The following GLIS3 variants were observed in gnomAD, a reference collection of about 807,000 sequenced individuals.
GLIS3 encodes GLIS family zinc finger 3, also known as zinc finger protein GLIS3.
A neutral mutation model predicts 78.6 loss-of-function variants in GLIS3; 53 were observed. The ratio of observed to expected loss-of-function variants is 0.67; its 90% CI spans 0.54 to 0.85. GLIS3 has a LOEUF of 0.85. Among genes scored for constraint, GLIS3 ranks in the 40% least tolerant of loss-of-function variants. GLIS3 has a pLI of 0.00. For missense variants in GLIS3, 1,703 were observed against 1,231.1 expected, an observed-to-expected ratio of 1.38 and a Z score of -5.74; for synonymous variants, 684 against 509.9, an observed-to-expected ratio of 1.34 and a Z score of -4.60.
At chr9:4,327,512 G>T (rs958632404) in intron 2 of GLIS3, among the ~76,000 whole-genome samples, 2 of 152,146 alleles carry the variant, frequency 1.3e-5, no homozygotes, top group African/African-American at 4.8e-5. Context: ...AGATTCAAGT[G>T]GGATTTAGGG....
chr9:4,301,630 C>G (rs944580533), upstream of GLIS3, among the ~76,000 whole-genome samples: 7 of 152,194 alleles, frequency 4.6e-5, no homozygotes, highest in African/African-American at 1.7e-4. Flanking sequence ...GCAAGACAAG[C>G]CTGGGTGGAG....
At chr9:4,031,918 A>G (rs1823869855) in intron 4 of GLIS3, among the ~76,000 whole-genome samples, 1 of 152,206 alleles carries the variant, frequency 6.6e-6, no homozygotes, top group Admixed American at 6.5e-5. Context: ...TATACAGGGC[A>G]GGGAGCCTAG....
intron 4 of GLIS3, among the ~76,000 whole-genome samples, chr9:4,054,881 A>C (rs1826019037): frequency 6.6e-6 from 1 of 152,138 alleles, no homozygotes; most frequent in Non-Finnish European, 1.5e-5. Flanking sequence ...AAGGCTCAGA[A>C]GATTCCATTT....
chr9:4,185,509 T>A (rs1817706506), intron 2 of GLIS3, among the ~76,000 whole-genome samples: 1 of 152,214 alleles, frequency 6.6e-6, no homozygotes, highest in African/African-American at 2.4e-5. Context: ...GAGCTTTATA[T>A]TTTAACATCC....
chr9:4,013,209 T>C (rs180818156), intron 4 of GLIS3, among the ~76,000 whole-genome samples: 3 of 152,248 alleles, frequency 2.0e-5, no homozygotes, highest in African/African-American at 7.2e-5. Flanking sequence ...CAAAAACCAG[T>C]GCATCCACTT....
At chr9:3,869,251 GA>G (rs1282425727) in intron 8 of GLIS3, among the ~76,000 whole-genome samples, 3 of 124,636 alleles carry the variant, frequency 2.4e-5, no homozygotes, top group Non-Finnish European at 5.0e-5. Flanking sequence ...AAGAGAGTGA[GA>G]AAAAATTATC....
At chr9:3,976,157 CAT>C (rs1818768296) in intron 4 of GLIS3, among the ~76,000 whole-genome samples, 1 of 152,088 alleles carries the variant, frequency 6.6e-6, no homozygotes, top group Non-Finnish European at 1.5e-5. Context: ...ATCCTGCCCC[CAT>C]ATGTTTTGTA....
At chr9:4,399,032 A>G in the GLIS3 span, among the ~76,000 whole-genome samples, 5,147 of 152,180 alleles carry the variant, frequency 0.034, 146 homozygotes, top group South Asian at 0.092. Flanking sequence ...GCTTTCATAT[A>G]TTTTATGCTA....
At chr9:4,456,795 G>C in the GLIS3 span, among the ~76,000 whole-genome samples, 2 of 152,208 alleles carry the variant, frequency 1.3e-5, no homozygotes, top group Non-Finnish European at 2.9e-5. Flanking sequence ...TGGAGGAACA[G>C]CTGACCAGTT....
chr9:4,303,413 T>C (rs1207934683), upstream of GLIS3, among the ~76,000 whole-genome samples: 2 of 152,170 alleles, frequency 1.3e-5, no homozygotes, highest in Non-Finnish European at 2.9e-5. Context: ...GTAGTACAAA[T>C]AGTGGAATGC....
chr9:4,118,325 C>G lies in GLIS3; in HGVS notation c.1153G>C (p.Gly385Arg). The change falls in exon 4 of 11, where the codon GGC becomes CGC. Residue 385 changes from glycine (G) to arginine (R), a missense_variant. Coordinates refer to ENST00000381971, the MANE Select transcript of GLIS3 (RefSeq NM_001042413.2). The surrounding 1 kb of genome is among the most constrained non-coding windows in gnomAD (Gnocchi z 4.7). Reference protein sequence around the residue: ...APGGLALPAYGEDGALEHERM... With the variant: ...APGGLALPAYREDGALEHERM... ...TCGTGCTCCAGGGCCCCGTCCTCGC[C>G]GTAGGCCGGCAGCGCCAGGCCTCCA... 1.3e-6 allele frequency: 2 copies of G among 1,574,300 alleles called. No homozygotes were observed. Among genetic ancestry groups the G allele is most frequent in the African/African-American group, 1.3e-5 (1 of 74,208 alleles).
At chr9:4,450,098 G>GA in the GLIS3 span, among the ~76,000 whole-genome samples, 1 of 151,966 alleles carries the variant, frequency 6.6e-6, no homozygotes, top group Admixed American at 6.6e-5. Context: ...TAAAAACCTT[G>GA]AAAAAAGATA....
At chr9:3,904,147 C>T (rs1823505956) in intron 6 of GLIS3, among the ~76,000 whole-genome samples, 2 of 152,154 alleles carry the variant, frequency 1.3e-5, no homozygotes, top group South Asian at 4.1e-4. Flanking sequence ...TGTTAACGTG[C>T]TAGACTTTAG....
At chr9:4,091,602 T>G (rs1419177141) in intron 4 of GLIS3, among the ~76,000 whole-genome samples, 1 of 152,156 alleles carries the variant, frequency 6.6e-6, no homozygotes, top group East Asian at 1.9e-4. Flanking sequence ...GAATATGTTC[T>G]GAGAAATGTG....
intron 2 of GLIS3, among the ~76,000 whole-genome samples, chr9:4,173,521 G>A (rs1162026609): frequency 6.6e-6 from 1 of 151,522 alleles, no homozygotes; most frequent in East Asian, 1.9e-4. Flanking sequence ...AAAGGCAAGT[G>A]TATTACTATA....
intron 1 of GLIS3, among the ~76,000 whole-genome samples, chr9:4,289,006 T>C (rs60129946): frequency 0.089 from 13,508 of 152,236 alleles, 658 homozygotes; most frequent in African/African-American, 0.14. Flanking sequence ...ATATTTTCTA[T>C]ACTTTTTAGC....
chr9:3,869,262 C>G (rs966329417), intron 8 of GLIS3, among the ~76,000 whole-genome samples: 1 of 39,862 alleles, frequency 2.5e-5, no homozygotes, highest in Non-Finnish European at 5.2e-5. Context: ...AAAAAATTAT[C>G]TAGGGTGTGT....
At chr9:4,461,687 G>T in the GLIS3 span, among the ~76,000 whole-genome samples, 1 of 152,010 alleles carries the variant, frequency 6.6e-6, no homozygotes, top group East Asian at 1.9e-4. Context: ...GTACATTTTG[G>T]GGTAAAGCCT....
chr9:4,324,730 C>T (rs1309720577), intron 2 of GLIS3, among the ~76,000 whole-genome samples: 1 of 152,218 alleles, frequency 6.6e-6, no homozygotes, highest in Admixed American at 6.5e-5. Context: ...CAGCAAGCAC[C>T]ATTTTCTGTA....
Sources: allele counts gnomAD v4.1 joint callset (sites outside exome capture counted in the v4.1 genomes callset), GRCh38; gene constraint gnomAD v4.1.1; non-coding constraint Gnocchi (gnomAD v3.1); transcripts MANE v1.5; gene names NCBI Gene and HGNC (gene_info 2026-07-23, HGNC 2026-07-21).